Variants in RALGAPB observed in about 807,000 individuals in gnomAD.
RALGAPB encodes the protein Ral GTPase activating protein non-catalytic subunit beta, also known as ral GTPase-activating protein subunit beta.
Under a neutral mutation model 161.1 loss-of-function variants are expected in RALGAPB, and 25 were observed. That is an observed-to-expected ratio of 0.16 (90% CI 0.11 to 0.22). RALGAPB has a LOEUF of 0.22. RALGAPB is among the 10% of genes least tolerant of loss of function. The pLI is 1.00. For missense variants in RALGAPB, 1,391 were observed against 1,815.2 expected (o/e 0.77, Z 4.25); for synonymous variants, 629 against 626.1 (o/e 1.00, Z -0.07).
chr20:38,503,349 C>G (rs999813545), intron 5 of RALGAPB, among the ~76,000 whole-genome samples: 4 of 152,174 alleles, frequency 2.6e-5, no homozygotes, highest in African/African-American at 9.7e-5. Flanking sequence ...ACTGTACATT[C>G]TGTAAGGTTA....
chr20:38,490,915 G>A (rs1395141444), intron 2 of RALGAPB, among the ~76,000 whole-genome samples: 2 of 152,230 alleles, frequency 1.3e-5, no homozygotes, highest in Non-Finnish European at 2.9e-5. Flanking sequence ...AAAGTGCTGG[G>A]ATTACGGTTG....
chr20:38,480,546 C>T (rs2122823833), intron 1 of RALGAPB, among the ~76,000 whole-genome samples: 1 of 151,032 alleles, frequency 6.6e-6, no homozygotes, highest in South Asian at 2.1e-4. Context: ...GCCACCATGC[C>T]CTGCTAGTTT....
intron 2 of RALGAPB, among the ~76,000 whole-genome samples, chr20:38,490,243 C>T (rs1221144264): frequency 6.6e-6 from 1 of 151,986 alleles, no homozygotes; most frequent in Non-Finnish European, 1.5e-5. Flanking sequence ...GAGTCTCGCT[C>T]TGTTGCCCAG....
Position 38,577,639 on chromosome 20 carries a change from G to A in RALGAPB, c.*2672G>A, listed in dbSNP as rs1044383752. 2.0e-5 allele frequency: 3 copies of A among 151,510 alleles called. No homozygotes were observed. The highest frequency in any genetic ancestry group is 6.6e-5 in the Admixed American group (1 of 15,182). 9.4% of individuals were successfully genotyped at this position (151,510 alleles called of 1,614,324 possible). A position where few individuals can be genotyped will look rare whatever the true frequency, so the allele number is the denominator to read the frequency against. ...CCTTATTTAGCTAGCTTTCCTTTTT[G>A]TCTAGGGCTTCCTCTTGAGACCCTC... is the stretch of plus-strand genomic sequence containing the variant. On this transcript the variant is annotated 3_prime_UTR_variant, in exon 30 of 30. Coordinates refer to ENST00000262879, the MANE Select transcript of RALGAPB (RefSeq NM_020336.4).
At chr20:38,515,071 G>A (rs1049156505) in intron 6 of RALGAPB, among the ~76,000 whole-genome samples, 4 of 152,210 alleles carry the variant, frequency 2.6e-5, no homozygotes, top group African/African-American at 9.7e-5. Context: ...CTTAGGTGTA[G>A]TTCCATTTCA....
chr20:38,473,065 C>T lies in RALGAPB; in HGVS notation c.-35C>T. ...CGGCGATGCGGGCCCCGCCCGTCGCCTCAGGTAACCGGGCAGCCGGCCCCG... is the reference window on the plus strand; with the variant it reads ...CGGCGATGCGGGCCCCGCCCGTCGCTTCAGGTAACCGGGCAGCCGGCCCCG... On this transcript the variant is annotated 5_prime_UTR_variant, in exon 1 of 30. Coordinates refer to ENST00000262879, the MANE Select transcript of RALGAPB (RefSeq NM_020336.4). The T allele has an allele frequency of 2.7e-6, 1 of 371,074 alleles. No individual in the cohort carries two copies. Among genetic ancestry groups the T allele is most frequent in the East Asian group, 3.9e-5 (1 of 25,460 alleles). 23.0% of individuals were successfully genotyped at this position (371,074 alleles called of 1,614,324 possible). A position where few individuals can be genotyped will look rare whatever the true frequency, so the allele number is the denominator to read the frequency against.
chr20:38,573,047 C>A (rs1040221422), intron 28 of RALGAPB, among the ~76,000 whole-genome samples: 4 of 151,402 alleles, frequency 2.6e-5, no homozygotes, highest in Non-Finnish European at 5.9e-5. Context: ...AAGAGACTTA[C>A]TTATCATTTA....
At chr20:38,571,021 ATGGAT>A (rs1171262713) in intron 28 of RALGAPB, among the ~76,000 whole-genome samples, 174 bp downstream of exon 28, 1 of 152,226 alleles carries the variant, frequency 6.6e-6, no homozygotes, top group Admixed American at 6.5e-5. Context: ...TTATTATAGC[ATGGAT>A]TTTTTTAAAA....
At chr20:38,559,047 G>C (rs902899105) in intron 23 of RALGAPB, among the ~76,000 whole-genome samples, 3 of 152,212 alleles carry the variant, frequency 2.0e-5, no homozygotes, top group African/African-American at 7.2e-5. Context: ...CAGAATTAAT[G>C]AAAACTATGA....
intron 1 of RALGAPB, among the ~76,000 whole-genome samples, chr20:38,476,747 C>T (rs1272340820): frequency 1.3e-5 from 2 of 152,130 alleles, no homozygotes; most frequent in Non-Finnish European, 2.9e-5. Context: ...TAAACATGCT[C>T]AGAACATTTA....
At chr20:38,516,074 C>A in intron 6 of RALGAPB, 118 bp from the exon 7 acceptor site, 2 of 731,246 alleles carry the variant, frequency 2.7e-6, no homozygotes, top group Non-Finnish European at 4.2e-6. Flanking sequence ...AAATACAAAT[C>A]AGTCTCTTTT....
At chr20:38,512,428 G>T (rs964896784) in intron 6 of RALGAPB, among the ~76,000 whole-genome samples, 3 of 152,202 alleles carry the variant, frequency 2.0e-5, no homozygotes, top group African/African-American at 7.2e-5. Context: ...CTGTGCCTCA[G>T]TTTCTTTTTA....
chr20:38,571,347 T>C (rs958221957), intron 28 of RALGAPB, among the ~76,000 whole-genome samples: 3 of 152,228 alleles, frequency 2.0e-5, no homozygotes, highest in Admixed American at 6.5e-5. Context: ...ACTGAAACTT[T>C]ATACCACCTT....
Position 38,546,224 on chromosome 20 carries a change from T to C in RALGAPB, c.2715-19T>C, listed in dbSNP as rs757668007. 28 of 1,613,042 alleles carry C rather than the reference T, an allele frequency of 1.7e-5. No homozygotes were observed. In the East Asian group the frequency reaches 2.5e-4, roughly 14 times the overall value. ...ATTTTGCTTTGGGAATTAACTGTTA[T>C]CTTTTCCATTCTCCATAGCATTATG... On this transcript the variant is annotated intron_variant, in intron 18 of 29. Coordinates refer to ENST00000262879, the MANE Select transcript of RALGAPB (RefSeq NM_020336.4).
At chr20:38,564,682 A>G (rs970843991) in intron 24 of RALGAPB, among the ~76,000 whole-genome samples, 5 of 152,172 alleles carry the variant, frequency 3.3e-5, no homozygotes, top group African/African-American at 1.2e-4. Flanking sequence ...AGCAGATACT[A>G]TTACTAAAAC....
intron 2 of RALGAPB, among the ~76,000 whole-genome samples, chr20:38,491,670 A>G (rs1307460675): frequency 6.6e-6 from 1 of 152,216 alleles, no homozygotes; most frequent in African/African-American, 2.4e-5. Flanking sequence ...GACTTATGCC[A>G]AATTGCTTAA....
chr20:38,561,527 A>G (rs1335212843), intron 23 of RALGAPB, among the ~76,000 whole-genome samples: 1 of 152,236 alleles, frequency 6.6e-6, no homozygotes, highest in Non-Finnish European at 1.5e-5. Context: ...AGGAATTTTT[A>G]GAAATAGTGA....
chr20:38,490,006 T>C (rs1300571004), intron 2 of RALGAPB, among the ~76,000 whole-genome samples: 6 of 151,516 alleles, frequency 4.0e-5, no homozygotes, highest in Non-Finnish European at 8.8e-5. Context: ...TCCTCTGGAA[T>C]TATACTTTTT....
intron 2 of RALGAPB, among the ~76,000 whole-genome samples, chr20:38,491,202 T>C (rs1467106412): frequency 3.9e-5 from 6 of 152,270 alleles, no homozygotes; most frequent in Admixed American, 6.5e-5. Flanking sequence ...TTAATACATA[T>C]ATTTATCTTG....
Sources: gnomAD v4.1 joint callset for allele counts (sites outside exome capture counted in the v4.1 genomes callset) on GRCh38, gnomAD v4.1.1 for gene constraint, MANE v1.5 for transcripts, NCBI Gene and HGNC (gene_info 2026-07-23, HGNC 2026-07-21) for gene names.